BASP1: variants seen among roughly 807,000 people sequenced by gnomAD.
BASP1 encodes the protein brain abundant membrane attached signal protein 1.
In BASP1, 1 loss-of-function variant was observed where a neutral mutation model predicts 2.2. The ratio of observed to expected loss-of-function variants is 0.46; its 90% CI spans 0.16 to 2.17. BASP1 has a LOEUF of 2.17. BASP1 is among the 30% of genes most tolerant of loss of function. The pLI is 0.27. For missense variants in BASP1, 352 were observed against 327.2 expected (o/e 1.08, Z -0.58); for synonymous variants, 187 against 154.2 (o/e 1.21, Z -1.58).
intron 1 of BASP1, among the ~76,000 whole-genome samples, chr5:17,225,043 C>T (rs1026135234): frequency 2.0e-5 from 3 of 152,210 alleles, no homozygotes; most frequent in Admixed American, 6.5e-5. Context: ...TGACTAAACA[C>T]TCATTTTGGA....
intron 1 of BASP1, among the ~76,000 whole-genome samples, chr5:17,218,840 G>C (rs1229413854): frequency 6.7e-6 from 1 of 149,574 alleles, no homozygotes. Context: ...TTCTTTTCAT[G>C]AATATTCATC....
chr5:17,244,737 G>A (rs189237379), intron 1 of BASP1, among the ~76,000 whole-genome samples: 3 of 150,790 alleles, frequency 2.0e-5, no homozygotes, highest in Non-Finnish European at 4.4e-5. Context: ...CTGTTGCCAG[G>A]CTGTAGTGCA....
chr5:17,243,201 T>C (rs1033814912), intron 1 of BASP1, among the ~76,000 whole-genome samples: 1 of 151,152 alleles, frequency 6.6e-6, no homozygotes, highest in Non-Finnish European at 1.5e-5. Context: ...CAGGCTGGAG[T>C]GCAGGGCCGC....
In BASP1 at chr5:17,275,485, C is replaced by T; in HGVS notation, c.269C>T (p.Thr90Met). 3.4e-6 allele frequency: 5 copies of T among 1,483,956 alleles called. No homozygotes were observed. The highest frequency in any genetic ancestry group is 1.4e-5 in the South Asian group (1 of 72,332). The allele number at this position is 1,483,956 out of a possible 1,614,324, so 91.9% of individuals were successfully genotyped here. The change falls in exon 2 of 2, where the codon ACG (threonine) becomes ATG (methionine). Residue 90 changes from threonine to methionine, a missense_variant. By Grantham distance (81) the Thr-to-Met change is moderately conservative (BLOSUM62 -1). Coordinates refer to ENST00000322611, the MANE Select transcript of BASP1 (RefSeq NM_006317.5). This position sits in a 1 kb window ranked among gnomAD's most constrained non-coding sequence, Gnocchi z 5.3. The stretch of plus-strand genomic sequence containing the variant: ...GCCCCGAAGGCGGAGCCCGAGAAGA[C>T]GGAGGGCGCGGCAGAGGCCAAGGCT... ...EEAPKAEPEK[T>M]EGAAEAKAEP...
At position 17,275,751 on chromosome 5, in the gene BASP1, G is replaced by T. The variant is rs1195143659; in HGVS notation, c.535G>T (p.Ala179Ser). The T allele has an allele frequency of 1.2e-6, 2 of 1,612,344 alleles. No individual in the cohort carries two copies. Among genetic ancestry groups the T allele is most frequent in the Non-Finnish European group, 1.7e-6 (2 of 1,179,478 alleles). Residue 179 changes from alanine to serine, a missense_variant, in exon 2 of 2, where the codon GCT becomes TCT. Ala to Ser is a moderately conservative substitution (Grantham distance 99). Coordinates refer to ENST00000322611, the MANE Select transcript of BASP1 (RefSeq NM_006317.5). This position sits in a 1 kb window ranked among gnomAD's most constrained non-coding sequence, Gnocchi z 5.3. ...AGACTCAAAACCCGGCAGCTCGGAG[G>T]CTGCCCCCTCTTCCAAGGAGACCCC... Reference protein sequence around the residue: ...ASDSKPGSSEAAPSSKETPAA... With the variant: ...ASDSKPGSSESAPSSKETPAA...
intron 1 of BASP1, among the ~76,000 whole-genome samples, chr5:17,247,142 G>A (rs1225525446): frequency 5.9e-5 from 9 of 152,170 alleles, no homozygotes; most frequent in Admixed American, 2.6e-4. Context: ...CCGAGATTGC[G>A]TTGTTGCACT....
intron 1 of BASP1, among the ~76,000 whole-genome samples, chr5:17,228,826 G>A (rs572910483): frequency 3.7e-4 from 57 of 152,282 alleles, no homozygotes; most frequent in African/African-American, 1.3e-3. Context: ...CGACTAAAGC[G>A]GGATTCTTTG....
intron 1 of BASP1, among the ~76,000 whole-genome samples, chr5:17,246,263 TA>T (rs1249113151): frequency 6.6e-6 from 1 of 151,372 alleles, no homozygotes; most frequent in African/African-American, 2.4e-5. Context: ...GGGTGGATCA[TA>T]AGGTCAGGAG....
intron 1 of BASP1, among the ~76,000 whole-genome samples, chr5:17,270,965 C>T (rs973788650): frequency 6.6e-6 from 1 of 152,128 alleles, no homozygotes; most frequent in African/African-American, 2.4e-5. Context: ...TGCAAAGTCT[C>T]CTTGAAATTC....
rs569740521 is a variant in BASP1, at chr5:17,260,735, G to A, written c.-9-14473G>A. 4.6e-5 allele frequency among the ~76,000 whole-genome samples: 7 copies of A among 152,216 alleles called. No individual in the cohort carries two copies. The highest frequency in any genetic ancestry group is 1.9e-4 in the East Asian group (1 of 5,182). On this transcript the variant is annotated intron_variant, in intron 1 of 1. Coordinates refer to ENST00000322611, the MANE Select transcript of BASP1 (RefSeq NM_006317.5). The surrounding 1 kb of genome is among the most constrained non-coding windows in gnomAD (Gnocchi z 4.2). ...TGTTTATCTAGTACCCATTGTGCAC[G>A]AACAACCACAAAGCAAAATCTTTGT...
At position 17,271,284 on chromosome 5, in the gene BASP1, G is replaced by T. The variant is rs187380450; in HGVS notation, c.-9-3924G>T. On this transcript the variant is annotated intron_variant, in intron 1 of 1. Coordinates refer to ENST00000322611, the MANE Select transcript of BASP1 (RefSeq NM_006317.5). The stretch of plus-strand genomic sequence containing the variant: ...TGATAGGTGTGCACCACCACGCCTG[G>T]CTAATTTTTGTAATTTTTGTAGAGA... 3.9e-5 allele frequency among the ~76,000 whole-genome samples: 6 copies of T among 152,248 alleles called. No homozygotes were observed. In the East Asian group the frequency reaches 1.2e-3, roughly 29 times the overall value.
At chr5:17,242,117 C>T (rs893627295) in intron 1 of BASP1, among the ~76,000 whole-genome samples, 2 of 152,128 alleles carry the variant, frequency 1.3e-5, no homozygotes, top group South Asian at 2.1e-4. Context: ...TCCCCTCCTT[C>T]GACTAGGAAG....
intron 1 of BASP1, among the ~76,000 whole-genome samples, chr5:17,232,507 G>A (rs1364478322): frequency 6.6e-6 from 1 of 152,158 alleles, no homozygotes; most frequent in African/African-American, 2.4e-5. Flanking sequence ...ACGAGGTTAG[G>A]ACCTTGCTTT....
intron 1 of BASP1, among the ~76,000 whole-genome samples, chr5:17,243,497 A>G (rs1374552958): frequency 6.6e-6 from 1 of 152,066 alleles, no homozygotes; most frequent in Non-Finnish European, 1.5e-5. Flanking sequence ...CTAACTTGAC[A>G]CTATTGATGT....
intron 1 of BASP1, among the ~76,000 whole-genome samples, chr5:17,219,073 CCTT>C (rs1170139568): frequency 1.3e-5 from 2 of 152,180 alleles, no homozygotes; most frequent in African/African-American, 4.8e-5. Flanking sequence ...GTCGAAATGG[CCTT>C]CTGCTATAGG....
intron 1 of BASP1, among the ~76,000 whole-genome samples, chr5:17,218,639 G>C (rs1739320506): frequency 6.6e-6 from 1 of 152,062 alleles, no homozygotes; most frequent in African/African-American, 2.4e-5. Flanking sequence ...GACAGCGCGC[G>C]GCCCTAACTG....
Position 17,256,750 on chromosome 5 carries a change from A to G in BASP1, c.-9-18458A>G, listed in dbSNP as rs1026379046. ...ATTGGCTGCTTTTCTAAGGAGAGTG[A>G]TTCTCTAAGCCTATAGGAAAAAAAT... is the stretch of plus-strand genomic sequence containing the variant. On this transcript the variant is annotated intron_variant, in intron 1 of 1. Coordinates refer to ENST00000322611, the MANE Select transcript of BASP1 (RefSeq NM_006317.5). 7.2e-5 allele frequency among the ~76,000 whole-genome samples: 11 copies of G among 152,278 alleles called. No individual in the cohort carries two copies. In the South Asian group the frequency reaches 2.3e-3, roughly 32 times the overall value.
chr5:17,272,084 AAAAAG>A (rs1740541118), intron 1 of BASP1, among the ~76,000 whole-genome samples: 1 of 151,964 alleles, frequency 6.6e-6, no homozygotes. Flanking sequence ...AAAAAAAAAA[AAAAAG>A]AAAGAAAAGA....
At chr5:17,250,503 A>G (rs1740080554) in intron 1 of BASP1, among the ~76,000 whole-genome samples, 1 of 152,226 alleles carries the variant, frequency 6.6e-6, no homozygotes, top group South Asian at 2.1e-4. Context: ...CTATACTCCA[A>G]ATACTGGTCA....
Sources: gnomAD v4.1 joint callset for allele counts (sites outside exome capture counted in the v4.1 genomes callset) on GRCh38, gnomAD v4.1.1 for gene constraint, Gnocchi (gnomAD v3.1) non-coding constraint, MANE v1.5 for transcripts, NCBI Gene and HGNC (gene_info 2026-07-23, HGNC 2026-07-21) for gene names.